The following RP1 variants were observed in gnomAD, a reference collection of about 807,000 sequenced individuals.
The protein encoded by RP1 is RP1 axonemal microtubule associated.
Under a neutral mutation model 14.8 loss-of-function variants are expected in RP1, and 16 were observed. That is an observed-to-expected ratio of 1.08 (90% confidence interval 0.73 to 1.65). The LOEUF is 1.65. Ranked by LOEUF, RP1 falls within the 40% of genes most tolerant of loss-of-function variation. The probability of loss-of-function intolerance (pLI) is 0.00; values close to 1 mark genes in which losing one functional copy is unlikely to be tolerated. For missense variants in RP1, 2,631 were observed against 2,535.0 expected, an observed-to-expected ratio of 1.04 and a Z score of -0.81; for synonymous variants, 876 against 883.6, an observed-to-expected ratio of 0.99 and a Z score of 0.15.
chr8:54,851,610 T>C (rs1345226936), intron 25 of RP1, among the ~76,000 whole-genome samples: 1 of 152,246 alleles, frequency 6.6e-6, no homozygotes, highest in East Asian at 1.9e-4. Flanking sequence ...CCTAAATTCA[T>C]GAGAAGTGTT....
chr8:54,706,358 A>C, intron 14 of RP1: 14 of 1,340,576 alleles, frequency 1.0e-5, no homozygotes, highest in Non-Finnish European at 1.4e-5. Flanking sequence ...GGCTTCAGTA[A>C]GAGAATTGCC....
chr8:54,620,467 A>G (rs1805827948), intron 1 of RP1, among the ~76,000 whole-genome samples: 1 of 152,318 alleles, frequency 6.6e-6, no homozygotes, highest in Admixed American at 6.5e-5. Flanking sequence ...ACACTCTCTG[A>G]TGTTCACACA....
intron 7 of RP1, among the ~76,000 whole-genome samples, chr8:54,664,147 C>T (rs1175443958): frequency 2.0e-5 from 3 of 152,114 alleles, no homozygotes; most frequent in Non-Finnish European, 4.4e-5. Context: ...TAGTAATTGT[C>T]TTTTGTGACT....
chr8:54,792,071 A>G (rs1810477963), intron 24 of RP1, among the ~76,000 whole-genome samples: 2 of 152,160 alleles, frequency 1.3e-5, no homozygotes, highest in African/African-American at 4.8e-5. Flanking sequence ...TATATCATAC[A>G]AATTGACCTT....
chr8:54,714,969 CATA>C lies in RP1; in HGVS notation c.2212-5153_2212-5151del. Among the ~76,000 whole-genome samples, 5 of 152,368 alleles carry C rather than the reference CATA, an allele frequency of 3.3e-5. 1 individual carries two copies. In the South Asian group the frequency reaches 1.0e-3, roughly 32 times the overall value. Reference sequence around the variant, plus strand: ...GTGATTCATCTTGGAAAAGAGAAGGCATAATAATACTCCAGTGTGTAGAATGTA... The same window carrying C: ...GTGATTCATCTTGGAAAAGAGAAGGCATAATACTCCAGTGTGTAGAATGTA... On this transcript the variant is annotated intron_variant, in intron 15 of 22. Transcript: ENST00000636932.
At chr8:54,591,931 G>A (rs561973142) in intron 1 of RP1, among the ~76,000 whole-genome samples, 14 of 152,246 alleles carry the variant, frequency 9.2e-5, no homozygotes, top group East Asian at 1.9e-4. Flanking sequence ...TTGAGGTTTC[G>A]TTTTGGCACT....
At chr8:54,753,674 C>A (rs1809429312) in intron 19 of RP1, among the ~76,000 whole-genome samples, 1 of 152,190 alleles carries the variant, frequency 6.6e-6, no homozygotes, top group East Asian at 1.9e-4. Context: ...AAGATTATGA[C>A]CCAACCATGA....
chr8:54,738,256 C>A (rs1022503873), intron 18 of RP1, among the ~76,000 whole-genome samples: 1 of 152,152 alleles, frequency 6.6e-6, no homozygotes, highest in African/African-American at 2.4e-5. Flanking sequence ...AAAAAACATA[C>A]TTTACTCAGT....
At chr8:54,697,175 G>A in intron 12 of RP1, 3 of 784,946 alleles carry the variant, frequency 3.8e-6, no homozygotes, top group East Asian at 2.7e-5. Context: ...GTGGAAGCAT[G>A]TGTTTCCTTT....
chr8:54,673,664 C>A (rs565122527), intron 7 of RP1, among the ~76,000 whole-genome samples: 1 of 152,006 alleles, frequency 6.6e-6, no homozygotes, highest in South Asian at 2.1e-4. Flanking sequence ...CATTTGAGCC[C>A]GGGAGGCAGA....
intron 24 of RP1, among the ~76,000 whole-genome samples, chr8:54,799,192 A>G (rs927369153): frequency 6.6e-6 from 1 of 152,180 alleles, no homozygotes; most frequent in East Asian, 1.9e-4. Context: ...ACAGAAAGCT[A>G]TATGTGATTG....
intron 15 of RP1, among the ~76,000 whole-genome samples, chr8:54,718,499 A>G (rs1474254198): frequency 6.6e-6 from 1 of 152,226 alleles, no homozygotes; most frequent in African/African-American, 2.4e-5. Flanking sequence ...GTACTGGAAC[A>G]ATTGGATGTC....
intron 17 of RP1, chr8:54,734,425 C>T (rs2129355984): frequency 1.2e-6 from 1 of 822,190 alleles, no homozygotes; most frequent in Non-Finnish European, 1.9e-6. Flanking sequence ...CAGTGCAGTG[C>T]CTCCTGCTTG....
At chr8:54,741,608 T>G (rs995831352) in intron 19 of RP1, among the ~76,000 whole-genome samples, 1 of 150,770 alleles carries the variant, frequency 6.6e-6, no homozygotes, top group Non-Finnish European at 1.5e-5. Context: ...AATGCATTTC[T>G]TGGAAAGTAT....
chr8:54,679,759 C>G lies in RP1; in HGVS notation c.1588-45C>G, dbSNP rs773575659. The G allele has an allele frequency of 5.9e-5, 91 of 1,530,024 alleles. No individual in the cohort carries two copies. In the Middle Eastern group the frequency reaches 1.2e-3, roughly 21 times the overall value. The allele number at this position is 1,530,024 out of a possible 1,614,324, so 94.8% of individuals were successfully genotyped here. A position where few individuals can be genotyped will look rare whatever the true frequency, so the allele number is the denominator to read the frequency against. On this transcript the variant is annotated intron_variant, in intron 11 of 22. Transcript: ENST00000636932. ...TAGCAATTTCTTCTCTTTGTTTCTT[C>G]TCATACTGGTGTTTTCATTTGTTTT...
chr8:54,681,639 G>C (rs954275300), intron 12 of RP1, among the ~76,000 whole-genome samples: 1 of 151,718 alleles, frequency 6.6e-6, no homozygotes, highest in Non-Finnish European at 1.5e-5. Context: ...CCTTCACCTA[G>C]GCATTAAGCC....
chr8:54,737,841 A>G (rs1341019772), intron 18 of RP1, among the ~76,000 whole-genome samples: 5 of 152,234 alleles, frequency 3.3e-5, no homozygotes, highest in African/African-American at 1.2e-4. Context: ...GGTCTAGTCC[A>G]TAGGTAGGCA....
chr8:54,852,913 C>T (rs1326682135), intron 26 of RP1, among the ~76,000 whole-genome samples: 1 of 151,804 alleles, frequency 6.6e-6, no homozygotes, highest in Non-Finnish European at 1.5e-5. Context: ...TGGGACTTAA[C>T]TCAACAAACA....
rs906806636 is a variant in RP1 at position 54,580,300 on chromosome 8, C to CTTTTT, written c.-13+21001_-13+21005dup. Among the ~76,000 whole-genome samples the CTTTTT allele has an allele frequency of 1.6e-3, 131 of 80,208 alleles. 2 individuals are homozygous for CTTTTT. The highest frequency in any genetic ancestry group is 3.2e-3 in the East Asian group (7 of 2,158). The allele number at this position is 80,208 out of a possible 152,430, so 52.6% of individuals were successfully genotyped here. A position where few individuals can be genotyped will look rare whatever the true frequency, so the allele number is the denominator to read the frequency against. ...GGGAAGCTAAATGTATCGTAGACTT[C>CTTTTT]TTTTTTTTTTTTTTTTTTTTTTTTT... is the stretch of plus-strand genomic sequence containing the variant. On this transcript the variant is annotated intron_variant, in intron 1 of 22. Transcript: ENST00000636932.
Sources: allele counts gnomAD v4.1 joint callset (sites outside exome capture counted in the v4.1 genomes callset), GRCh38; gene constraint gnomAD v4.1.1; transcripts MANE v1.5; gene names NCBI Gene and HGNC (gene_info 2026-07-23, HGNC 2026-07-21).